IREB2: variants seen among roughly 807,000 people sequenced by gnomAD.
IREB2 encodes iron responsive element binding protein 2.
In IREB2, 39 loss-of-function variants were observed where a neutral mutation model predicts 118.8. The observed-to-expected ratio is 0.33, with a 90% CI of 0.25 to 0.43. IREB2 has a LOEUF of 0.43. IREB2 is among the 20% of genes least tolerant of loss of function. The pLI is 1.00. For synonymous variants in IREB2, 372 were observed against 392.2 expected (o/e 0.95, Z 0.61); for missense variants, 900 against 1,147.3 (o/e 0.78, Z 3.11).
chr15:78,493,808 A>G (rs2051792509), intron 18 of IREB2, 101 bp from the exon 19 acceptor site: 7 of 1,089,960 alleles, frequency 6.4e-6, no homozygotes, highest in Non-Finnish European at 7.9e-6. Flanking sequence ...TGTGTTTGAA[A>G]TTTTCTGTGA....
At chr15:78,471,557 TG>T (rs1596000615) in intron 6 of IREB2, among the ~76,000 whole-genome samples, 183 bp from the exon 7 acceptor site, 2 of 152,268 alleles carry the variant, frequency 1.3e-5, no homozygotes, top group Non-Finnish European at 2.9e-5. Context: ...AAATTAATTT[TG>T]TCTTAATAAA....
rs188666541 is a variant in IREB2, at chr15:78,499,363, A to G, written c.*1220A>G. The G allele has an allele frequency of 1.3e-5, 2 of 152,324 alleles. No individual in the cohort carries two copies. Among genetic ancestry groups the G allele is most frequent in the African/African-American group, 4.8e-5 (2 of 41,572 alleles). The allele number at this position is 152,324 out of a possible 1,614,324, so 9.4% of individuals were successfully genotyped here. On this transcript the variant is annotated 3_prime_UTR_variant, in exon 22 of 22. Transcript: ENST00000258886. ...TGGAAAATTAATTATAGAAGGTTCT[A>G]TACTGTTTTTTTAATTAAGAAACTA...
chr15:78,464,934 A>G (rs1337900887), intron 3 of IREB2, among the ~76,000 whole-genome samples: 1 of 152,188 alleles, frequency 6.6e-6, no homozygotes, highest in African/African-American at 2.4e-5. Flanking sequence ...AAGGGGCTGG[A>G]ACTAGGGAAA....
At chr15:78,463,758 A>G (rs1681784479) in intron 3 of IREB2, among the ~76,000 whole-genome samples, 1 of 152,076 alleles carries the variant, frequency 6.6e-6, no homozygotes, top group Non-Finnish European at 1.5e-5. Flanking sequence ...AGTTCACTGC[A>G]GCCTCAACCT....
At chr15:78,489,069 A>G (rs1277783892) in intron 16 of IREB2, among the ~76,000 whole-genome samples, 1 of 152,018 alleles carries the variant, frequency 6.6e-6, no homozygotes, top group Non-Finnish European at 1.5e-5. Context: ...AAAATACAAA[A>G]CAATTAGCCA....
At chr15:78,473,631 T>C (rs2051416427) in intron 8 of IREB2, 2 of 400,366 alleles carry the variant, frequency 5.0e-6, no homozygotes, top group Admixed American at 8.4e-5. Context: ...GTGAGATGGA[T>C]ACTATTACTA....
Position 78,463,011 on chromosome 15 carries a change from A to G in IREB2, c.196A>G (p.Ile66Val), listed in dbSNP as rs1481261810. Residue 66 changes from isoleucine to valine, a missense_variant, in exon 3 of 22, where the codon ATT becomes GTT. Physicochemically the swap from Ile to Val is conservative, Grantham distance 29 (BLOSUM62 3). Coordinates refer to ENST00000258886, the MANE Select transcript of IREB2 (RefSeq NM_004136.4). The stretch of plus-strand genomic sequence containing the variant: ...AATGAAGAAGGAAGATGTTATGAAC[A>G]TTTTAGACTGGAAAACCAAACAAAG... ...FLMKKEDVMN[I>V]LDWKTKQSNV... 3 of 1,613,532 alleles carry G rather than the reference A, an allele frequency of 1.9e-6. No individual in the cohort carries two copies. Among genetic ancestry groups the G allele is most frequent in the Non-Finnish European group, 2.5e-6 (3 of 1,179,862 alleles).
Position 78,488,712 on chromosome 15 carries a change from C to T in IREB2, c.2017C>T (p.Arg673Ter), listed in dbSNP as rs1486174050. 4 of 1,597,424 alleles carry T rather than the reference C, an allele frequency of 2.5e-6. No individual in the cohort carries two copies. The highest frequency in any genetic ancestry group is 2.6e-6 in the Non-Finnish European group (3 of 1,165,328). ...DIWPSREEVH[R>*]VEEEHVILSM... ...TTGGCCTAGTCGAGAAGAAGTTCAT[C>T]GAGTAGAGGAAGAACATGTTATACT... is the stretch of plus-strand genomic sequence containing the variant. The change falls in exon 16 of 22, where the codon CGA (arginine) becomes TGA (stop). Residue 673 changes from arginine (R) to a stop codon, truncating the protein, a stop_gained. Coordinates refer to ENST00000258886, the MANE Select transcript of IREB2 (RefSeq NM_004136.4). LOFTEE classifies it high-confidence loss of function.
chr15:78,458,853 C>T (rs541510724), intron 2 of IREB2, among the ~76,000 whole-genome samples: 4 of 152,268 alleles, frequency 2.6e-5, no homozygotes, highest in Non-Finnish European at 2.9e-5. Flanking sequence ...TCCCATTTCC[C>T]GGGCTGGAGT....
intron 2 of IREB2, among the ~76,000 whole-genome samples, chr15:78,449,098 A>G (rs1462850041): frequency 1.3e-5 from 2 of 152,198 alleles, no homozygotes; most frequent in African/African-American, 4.8e-5. Context: ...TAAGGTCACA[A>G]CATATCTTCT....
rs1008112016 is a variant in IREB2 at position 78,486,911 on chromosome 15, C to T, written c.1710-822C>T. Among the ~76,000 whole-genome samples, 4 of 152,126 alleles carry T rather than the reference C, an allele frequency of 2.6e-5. No individual in the cohort carries two copies. In the East Asian group the frequency reaches 5.8e-4, roughly 22 times the overall value. ...TCTCAAACTTGTTCCCTTAAGTGAT[C>T]GGCTCGTCTTGGCCCCCGAAAGTGT... On this transcript the variant is annotated intron_variant, in intron 13 of 21. Transcript: ENST00000258886.
intron 18 of IREB2, among the ~76,000 whole-genome samples, chr15:78,491,544 C>G (rs2051750748): frequency 6.6e-6 from 1 of 152,154 alleles, no homozygotes; most frequent in Non-Finnish European, 1.5e-5. Flanking sequence ...GTCACCCAGG[C>G]TGGAGTGCAG....
At chr15:78,441,723 T>A (rs1026893264) in intron 2 of IREB2, among the ~76,000 whole-genome samples, 3 of 152,210 alleles carry the variant, frequency 2.0e-5, no homozygotes, top group African/African-American at 7.2e-5. Flanking sequence ...AAATAAGTTG[T>A]CATGGGAATT....
At chr15:78,491,804 A>C (rs2051755835) in intron 18 of IREB2, among the ~76,000 whole-genome samples, 1 of 152,148 alleles carries the variant, frequency 6.6e-6, no homozygotes, top group Non-Finnish European at 1.5e-5. Context: ...CCAAAATGTC[A>C]ATGTAGCTTG....
At chr15:78,470,443 A>G (rs1455152434) in intron 5 of IREB2, 89 bp from the exon 6 acceptor site, 2 of 688,244 alleles carry the variant, frequency 2.9e-6, no homozygotes, top group African/African-American at 1.8e-5. Flanking sequence ...ATTTGTGTAT[A>G]TATATGCCTA....
intron 5 of IREB2, 48 bp from the exon 6 acceptor site, chr15:78,470,484 G>A (rs376627056): frequency 1.9e-4 from 230 of 1,204,154 alleles, no homozygotes; most frequent in African/African-American, 3.2e-4. Flanking sequence ...AACAAGGCAA[G>A]TCTTTTTTGT....
intron 2 of IREB2, among the ~76,000 whole-genome samples, chr15:78,452,174 G>A (rs2051037153): frequency 6.6e-6 from 1 of 152,142 alleles, no homozygotes; most frequent in African/African-American, 2.4e-5. Context: ...AAAAGATGTA[G>A]GAGAGAGGCA....
Position 78,438,369 on chromosome 15 carries a change from C to T in IREB2, c.19+13C>T, listed in dbSNP as rs749865527. 3.1e-6 allele frequency: 5 copies of T among 1,596,080 alleles called. No homozygotes were observed. In the East Asian group the frequency reaches 9.0e-5, roughly 29 times the overall value. On this transcript the variant is annotated intron_variant, in intron 1 of 21. Coordinates refer to ENST00000258886, the MANE Select transcript of IREB2 (RefSeq NM_004136.4). ...GCCCCAAAAGCAGGTCAGTTTCGGG[C>T]CTCCGAGCTGGGTCTGGCAGTTGGA... is the stretch of plus-strand genomic sequence containing the variant.
At chr15:78,445,138 T>TTTA (rs71148527) in intron 2 of IREB2, among the ~76,000 whole-genome samples, 27,929 of 138,860 alleles carry the variant, frequency 0.2, 3,177 homozygotes, top group East Asian at 0.34. Context: ...CAGTCTTTAT[T>TTTA]TTTTTTTTTT....
Sources: gnomAD v4.1 joint callset for allele counts (sites outside exome capture counted in the v4.1 genomes callset) on GRCh38, gnomAD v4.1.1 for gene constraint, MANE v1.5 for transcripts, NCBI Gene and HGNC (gene_info 2026-07-23, HGNC 2026-07-21) for gene names.